The following AXIN1 variants were observed in gnomAD, a reference collection of about 807,000 sequenced individuals.
AXIN1 encodes the protein axin-1.
A neutral mutation model predicts 76.4 loss-of-function variants in AXIN1; 30 were observed. The ratio of observed to expected loss-of-function variants is 0.39; its 90% CI spans 0.29 to 0.53. The LOEUF (loss-of-function observed/expected upper bound fraction) is 0.53, where lower values mean the gene tolerates loss of function less well. Ranked by LOEUF, AXIN1 falls within the 20% of genes least tolerant of loss-of-function variation. The pLI is 0.66. For missense variants in AXIN1, 1,140 were observed against 1,198.8 expected (o/e 0.95, Z 0.72); for synonymous variants, 545 against 501.4 (o/e 1.09, Z -1.16).
At chr16:295,688 A>T (rs1192699356) in intron 7 of AXIN1, among the ~76,000 whole-genome samples, 2 of 152,106 alleles carry the variant, frequency 1.3e-5, no homozygotes, top group Non-Finnish European at 2.9e-5. Flanking sequence ...TCGGCCGGGC[A>T]CGGTGGCTCA....
At chr16:295,475 G>A (rs2141495092) in intron 7 of AXIN1, among the ~76,000 whole-genome samples, 1 of 152,082 alleles carries the variant, frequency 6.6e-6, no homozygotes, top group African/African-American at 2.4e-5. Flanking sequence ...TTTGAGTCCA[G>A]GAGGCTGAGA....
At chr16:320,815 C>CTACATCCTCCGCCTCCTGGG (rs1555482208) in intron 2 of AXIN1, among the ~76,000 whole-genome samples, 1 of 143,570 alleles carries the variant, frequency 7.0e-6, no homozygotes, top group Non-Finnish European at 1.5e-5. Flanking sequence ...TCTCGGCTCA[C>CTACATCCTCCGCCTCCTGGG]TACAACCTCC....
At chr16:324,630 A>T (rs372721077) in intron 2 of AXIN1, among the ~76,000 whole-genome samples, 1 of 152,246 alleles carries the variant, frequency 6.6e-6, no homozygotes, top group East Asian at 1.9e-4. Flanking sequence ...ACGTCAGCAC[A>T]TGACACAGAC....
chr16:321,101 A>T (rs560322253), intron 2 of AXIN1, among the ~76,000 whole-genome samples: 5 of 152,270 alleles, frequency 3.3e-5, no homozygotes, highest in Middle Eastern at 6.8e-3. Context: ...ACATGGGAAG[A>T]GGAGGCTGGA....
At position 287,981 on chromosome 16, in the gene AXIN1, A is replaced by C; in HGVS notation, c.*141T>G. 7.0e-7 allele frequency: 1 copy of C among 1,435,070 alleles called. No homozygotes were observed. Among genetic ancestry groups the C allele is most frequent in the Non-Finnish European group, 9.7e-7 (1 of 1,034,362 alleles). 88.9% of individuals were successfully genotyped at this position (1,435,070 alleles called of 1,614,324 possible). A position where few individuals can be genotyped will look rare whatever the true frequency, so the allele number is the denominator to read the frequency against. On this transcript the variant is annotated 3_prime_UTR_variant, in exon 11 of 11. Coordinates refer to ENST00000262320, the MANE Select transcript of AXIN1 (RefSeq NM_003502.4). The stretch of plus-strand genomic sequence containing the variant: ...TTGGAGGGACCCCCTACCTGCCTCT[A>C]GACACGGGTAGACCACAGGGATGGG...
At chr16:348,870 G>A (rs887866889) in intron 1 of AXIN1, among the ~76,000 whole-genome samples, 2 of 151,856 alleles carry the variant, frequency 1.3e-5, no homozygotes, top group Admixed American at 6.6e-5. Flanking sequence ...AAGCCAAGGC[G>A]GGCGGATCAC....
chr16:287,615 C>A lies in AXIN1; in HGVS notation c.*507G>T. 1 of 312,048 alleles carries A rather than the reference C, an allele frequency of 3.2e-6. No individual in the cohort carries two copies. The highest frequency in any genetic ancestry group is 6.0e-6 in the Non-Finnish European group (1 of 166,492). The allele number at this position is 312,048 out of a possible 1,614,324, so 19.3% of individuals were successfully genotyped here. On this transcript the variant is annotated 3_prime_UTR_variant, in exon 11 of 11. Coordinates refer to ENST00000262320, the MANE Select transcript of AXIN1 (RefSeq NM_003502.4). ...GGAGGACCCAGGACTGCACAGCCGG[C>A]GGCTGGAGGCAGGTGCAGTGCTCCG...
At chr16:291,124 G>A in intron 9 of AXIN1, 66 bp downstream of exon 9, 1 of 1,467,818 alleles carries the variant, frequency 6.8e-7, no homozygotes, top group Non-Finnish European at 9.3e-7. Context: ...GCTCTACGAT[G>A]GGACCTGGCT....
intron 5 of AXIN1, among the ~76,000 whole-genome samples, chr16:300,857 C>A (rs35700858): frequency 0.12 from 18,300 of 152,226 alleles, 1,403 homozygotes; most frequent in South Asian, 0.21. Flanking sequence ...CTGCCTTGGC[C>A]GAGCTCCACA....
intron 2 of AXIN1, among the ~76,000 whole-genome samples, chr16:342,289 A>T (rs558054289): frequency 6.6e-6 from 1 of 151,944 alleles, no homozygotes; most frequent in East Asian, 1.9e-4. Flanking sequence ...GAAGGAACAA[A>T]CTCCGGACAG....
chr16:320,779 G>A (rs1416492411), intron 2 of AXIN1, among the ~76,000 whole-genome samples: 6 of 121,948 alleles, frequency 4.9e-5, no homozygotes, highest in East Asian at 4.4e-4. Flanking sequence ...TCGCTCTTTC[G>A]CCCAGACTGG....
At position 304,458 on chromosome 16, in the gene AXIN1, T is replaced by C. The variant is rs2141547692; in HGVS notation, c.1117-17A>G. On this transcript the variant is annotated splice_polypyrimidine_tract_variant and intron_variant, in intron 4 of 10. Transcript: ENST00000262320. ...GTACGTGCGCTGCGAGGGACAGGAC[T>C]GTGAGGCACGGGGGTTGAAAGGTCA... 1.9e-6 allele frequency: 3 copies of C among 1,612,578 alleles called. No homozygotes were observed. In the South Asian group the frequency reaches 3.3e-5, roughly 18 times the overall value.
At position 304,420 on chromosome 16, in the gene AXIN1, C is replaced by G. The variant is rs2052962294; in HGVS notation, c.1138G>C (p.Glu380Gln). ...HIPRTYRVPK[E>Q]VRVEPQKFAE... ...AACTTCTGAGGCTCCACGCGGACCT[C>G]CTTCGGCACCCGGTACGTGCGCTGC... The change falls in exon 5 of 11, where the codon GAG becomes CAG. Residue 380 changes from glutamate (E) to glutamine (Q), a missense_variant. Glu to Gln is a conservative substitution (Grantham distance 29, BLOSUM62 2). Around this residue, in one of 3 missense-constraint regions of AXIN1, gnomAD observed 708 missense variants for 776.9 expected, o/e 0.91. Coordinates refer to ENST00000262320, the MANE Select transcript of AXIN1 (RefSeq NM_003502.4). The G allele has an allele frequency of 6.2e-7, 1 of 1,612,602 alleles. No homozygotes were observed. Among genetic ancestry groups the G allele is most frequent in the South Asian group, 1.1e-5 (1 of 91,090 alleles).
Position 287,907 on chromosome 16 carries a change from A to G in AXIN1, c.*215T>C. 2 of 703,956 alleles carry G rather than the reference A, an allele frequency of 2.8e-6. No individual in the cohort carries two copies. The highest frequency in any genetic ancestry group is 4.7e-5 in the Admixed American group (2 of 42,628). 43.6% of individuals were successfully genotyped at this position (703,956 alleles called of 1,614,324 possible). On this transcript the variant is annotated 3_prime_UTR_variant, in exon 11 of 11. Transcript: ENST00000262320. Reference sequence around the variant, plus strand: ...GGGCCCTCCAAGTATTGCTATGAGGAGTGGTCCAGGCTGCCTCCTTGGGGG... The same window carrying G: ...GGGCCCTCCAAGTATTGCTATGAGGGGTGGTCCAGGCTGCCTCCTTGGGGG...
chr16:301,947 G>T (rs1293355003), intron 5 of AXIN1, among the ~76,000 whole-genome samples: 1 of 152,214 alleles, frequency 6.6e-6, no homozygotes, highest in South Asian at 2.1e-4. Context: ...GTCACAGCCC[G>T]TGGGCCCGGA....
At position 346,178 on chromosome 16, in the gene AXIN1, C is replaced by G. The variant is rs1425813789; in HGVS notation, c.848G>C (p.Ser283Thr). The change falls in exon 2 of 11, where the codon AGT (serine) becomes ACT (threonine). Residue 283 changes from serine (S) to threonine (T), a missense_variant. By Grantham distance (58) the Ser-to-Thr change is moderately conservative. Transcript: ENST00000262320. ...CTCTCTGCCTTCGCTGTACCGTCTACTGGAGGAGACCCTCGGGGCAGCTGT... is the reference window on the plus strand; with the variant it reads ...CTCTCTGCCTTCGCTGTACCGTCTAGTGGAGGAGACCCTCGGGGCAGCTGT... ...LETAAPRVSS[S>T]RRYSEGREFR... 32 of 1,613,868 alleles carry G rather than the reference C, an allele frequency of 2.0e-5. No homozygotes were observed. The highest frequency in any genetic ancestry group is 2.7e-5 in the Non-Finnish European group (32 of 1,180,028).
chr16:309,365 A>G (rs1287775711), intron 4 of AXIN1, among the ~76,000 whole-genome samples: 1 of 152,106 alleles, frequency 6.6e-6, no homozygotes, highest in Non-Finnish European at 1.5e-5. Flanking sequence ...ACCCATCAAA[A>G]TAAGGAAAGA....
chr16:324,774 C>T (rs924294950), intron 2 of AXIN1, among the ~76,000 whole-genome samples: 1 of 152,198 alleles, frequency 6.6e-6, no homozygotes, highest in African/African-American at 2.4e-5. Context: ...CCCCCCGGAA[C>T]AGCACAGCCA....
At chr16:341,068 G>A (rs888954746) in intron 2 of AXIN1, among the ~76,000 whole-genome samples, 4 of 152,250 alleles carry the variant, frequency 2.6e-5, no homozygotes, top group Non-Finnish European at 5.9e-5. Flanking sequence ...GTTCCTCCAC[G>A]CAAATTCCAC....
Sources: gnomAD v4.1 joint callset for allele counts (sites outside exome capture counted in the v4.1 genomes callset) on GRCh38, gnomAD v4.1.1 for gene constraint, gnomAD v4.1.1 regional missense constraint, MANE v1.5 for transcripts, NCBI Gene and HGNC (gene_info 2026-07-23, HGNC 2026-07-21) for gene names.